CDH12: variants seen among roughly 807,000 people sequenced by gnomAD.
The protein encoded by CDH12 is cadherin-12.
Under a neutral mutation model 74.1 loss-of-function variants are expected in CDH12, and 41 were observed. The observed-to-expected ratio is 0.55, with a 90% CI of 0.43 to 0.72. The LOEUF (loss-of-function observed/expected upper bound fraction) is 0.72, where lower values mean the gene tolerates loss of function less well. Ranked by LOEUF, CDH12 falls within the 30% of genes least tolerant of loss-of-function variation. The pLI, the probability that CDH12 is intolerant of heterozygous loss-of-function variation, is 0.00. For missense variants in CDH12, 945 were observed against 977.2 expected (o/e 0.97, Z 0.44); for synonymous variants, 399 against 355.0 (o/e 1.12, Z -1.39).
chr5:22,259,258 A>C (rs1753429744), intron 3 of CDH12, among the ~76,000 whole-genome samples: 1 of 152,150 alleles, frequency 6.6e-6, no homozygotes, highest in African/African-American at 2.4e-5. Context: ...CATAATTTTT[A>C]AGTTAAATAT....
intron 5 of CDH12, among the ~76,000 whole-genome samples, chr5:22,029,861 C>G (rs62349091): frequency 1.3e-5 from 2 of 150,114 alleles, no homozygotes; most frequent in South Asian, 4.3e-4. Context: ...TTGGAACCAA[C>G]CCAAATGTCC....
At chr5:22,737,561 TAGA>T (rs1744800096) in intron 1 of CDH12, among the ~76,000 whole-genome samples, 1 of 151,790 alleles carries the variant, frequency 6.6e-6, no homozygotes, top group African/African-American at 2.4e-5. Context: ...GAAATAGAAA[TAGA>T]AATTACTAAC....
At chr5:21,782,671 G>A (rs899009917) in intron 11 of CDH12, among the ~76,000 whole-genome samples, 1 of 152,110 alleles carries the variant, frequency 6.6e-6, no homozygotes, top group Admixed American at 6.6e-5. Context: ...ATTATCTCAA[G>A]AGCCAAACGT....
intron 3 of CDH12, among the ~76,000 whole-genome samples, chr5:22,386,840 A>T (rs1742019987): frequency 6.6e-6 from 1 of 151,958 alleles, no homozygotes; most frequent in South Asian, 2.1e-4. Context: ...ATTAAGGTTA[A>T]TTTAAAAGTT....
At chr5:22,620,378 A>G (rs1737911014) in intron 1 of CDH12, among the ~76,000 whole-genome samples, 1 of 152,066 alleles carries the variant, frequency 6.6e-6, no homozygotes, top group Non-Finnish European at 1.5e-5. Context: ...ATTTTAATTT[A>G]TTAGGAAGGT....
At chr5:22,617,810 T>C (rs992631225) in intron 1 of CDH12, among the ~76,000 whole-genome samples, 5 of 152,116 alleles carry the variant, frequency 3.3e-5, no homozygotes, top group Admixed American at 3.3e-4. Context: ...GAAAACCCAG[T>C]TGTAATATGA....
At chr5:22,779,657 A>G (rs1747287584) in intron 1 of CDH12, among the ~76,000 whole-genome samples, 1 of 152,120 alleles carries the variant, frequency 6.6e-6, no homozygotes, top group Non-Finnish European at 1.5e-5. Flanking sequence ...GTGAGTTCTC[A>G]TGAGATCTGA....
At chr5:21,903,736 A>C (rs935211985) in intron 6 of CDH12, among the ~76,000 whole-genome samples, 5 of 152,178 alleles carry the variant, frequency 3.3e-5, no homozygotes, top group African/African-American at 1.2e-4. Context: ...ATAAAAACAA[A>C]ACAAATAAAA....
chr5:22,675,887 A>ATATATATATATATATATATATATATG (rs57091025), intron 1 of CDH12, among the ~76,000 whole-genome samples: 1 of 137,392 alleles, frequency 7.3e-6, no homozygotes, highest in Admixed American at 7.4e-5. Context: ...ATATATATAT[A>ATATATATATATATATATATATATATG]CTTTTGTTTA....
intron 1 of CDH12, among the ~76,000 whole-genome samples, chr5:22,832,832 C>T (rs1235883913): frequency 1.3e-5 from 2 of 152,070 alleles, no homozygotes; most frequent in African/African-American, 2.4e-5. Flanking sequence ...ATTATTTTTG[C>T]TCTTGCACTT....
intron 3 of CDH12, among the ~76,000 whole-genome samples, chr5:22,234,039 A>C (rs1417789184): frequency 1.3e-5 from 2 of 152,310 alleles, no homozygotes; most frequent in South Asian, 4.1e-4. Flanking sequence ...AAAATTATGA[A>C]GGAAGTAAAA....
intron 5 of CDH12, among the ~76,000 whole-genome samples, chr5:22,028,743 C>T (rs1738577301): frequency 6.6e-6 from 1 of 152,046 alleles, no homozygotes; most frequent in Non-Finnish European, 1.5e-5. Flanking sequence ...ACTTTCTTCA[C>T]AGAATTGGAA....
At chr5:22,532,797 G>C (rs1737653235) in intron 1 of CDH12, among the ~76,000 whole-genome samples, 1 of 151,892 alleles carries the variant, frequency 6.6e-6, no homozygotes, top group Non-Finnish European at 1.5e-5. Context: ...AGATCTTGCA[G>C]CATGTTTATA....
At chr5:21,896,213 G>C (rs1753116800) in intron 6 of CDH12, among the ~76,000 whole-genome samples, 1 of 152,190 alleles carries the variant, frequency 6.6e-6, no homozygotes, top group South Asian at 2.1e-4. Flanking sequence ...CACCGATGGA[G>C]AGTGAGAGTG....
chr5:21,765,735 T>A (rs1744987087), intron 11 of CDH12, among the ~76,000 whole-genome samples: 1 of 152,130 alleles, frequency 6.6e-6, no homozygotes, highest in African/African-American at 2.4e-5. Flanking sequence ...TCAGAAAGAC[T>A]GTCAGTTTGA....
intron 1 of CDH12, among the ~76,000 whole-genome samples, chr5:22,828,057 G>A (rs1172899194): frequency 2.6e-5 from 4 of 152,036 alleles, no homozygotes; most frequent in Non-Finnish European, 4.4e-5. Flanking sequence ...GAAGACTACC[G>A]CATTTGGATT....
intron 1 of CDH12, among the ~76,000 whole-genome samples, chr5:22,675,707 C>T (rs1357674755): frequency 6.6e-6 from 1 of 151,898 alleles, no homozygotes; most frequent in Non-Finnish European, 1.5e-5. Flanking sequence ...CTTTCACCTT[C>T]CACCATGATT....
intron 1 of CDH12, among the ~76,000 whole-genome samples, chr5:22,591,065 C>G (rs576874478): frequency 6.6e-6 from 1 of 152,244 alleles, no homozygotes; most frequent in Admixed American, 6.5e-5. Flanking sequence ...CTTTCCTTTT[C>G]TGTCTAAGTG....
intron 5 of CDH12, among the ~76,000 whole-genome samples, chr5:22,002,448 A>C (rs985862852): frequency 2.6e-5 from 4 of 152,110 alleles, no homozygotes; most frequent in African/African-American, 9.7e-5. Context: ...CATTTTGTAA[A>C]TATATTTTCT....
Sources: gnomAD v4.1 joint callset for allele counts (sites outside exome capture counted in the v4.1 genomes callset) on GRCh38, gnomAD v4.1.1 for gene constraint, MANE v1.5 for transcripts, NCBI Gene and HGNC (gene_info 2026-07-23, HGNC 2026-07-21) for gene names.